Variants in GRM8 observed in about 807,000 individuals in gnomAD.
GRM8 encodes glutamate metabotropic receptor 8.
In GRM8, 47 loss-of-function variants were observed where a neutral mutation model predicts 87.2. The observed-to-expected ratio is 0.54, with a 90% confidence interval of 0.43 to 0.69. The LOEUF (loss-of-function observed/expected upper bound fraction) is 0.69, where lower values mean the gene tolerates loss of function less well. Ranked by LOEUF, GRM8 falls within the 30% of genes least tolerant of loss-of-function variation. The pLI is 0.00. For missense variants in GRM8, 1,019 were observed against 1,139.2 expected, an observed-to-expected ratio of 0.89 and a Z score of 1.52; for synonymous variants, 396 against 404.5, an observed-to-expected ratio of 0.98 and a Z score of 0.25.
chr7:126,840,813 C>T (rs1025681730), intron 6 of GRM8, among the ~76,000 whole-genome samples: 5 of 152,102 alleles, frequency 3.3e-5, no homozygotes, highest in Non-Finnish European at 5.9e-5. Context: ...AGAAATTATA[C>T]ACCAATTTCA....
intron 2 of GRM8, among the ~76,000 whole-genome samples, chr7:127,126,522 A>C (rs1183107174): frequency 1.3e-5 from 2 of 151,966 alleles, no homozygotes; most frequent in Non-Finnish European, 2.9e-5. Flanking sequence ...TAATGGGTAC[A>C]ATGAACATTA....
intron 3 of GRM8, among the ~76,000 whole-genome samples, chr7:127,091,709 G>A (rs1420198337): frequency 1.4e-5 from 1 of 70,624 alleles, no homozygotes; most frequent in African/African-American, 6.0e-5. Flanking sequence ...TGACCCCCCT[G>A]CCATCCCACT....
intron 3 of GRM8, among the ~76,000 whole-genome samples, chr7:127,028,093 G>T (rs1233444307): frequency 6.6e-6 from 1 of 152,134 alleles, no homozygotes; most frequent in Non-Finnish European, 1.5e-5. Flanking sequence ...TAATCATGTG[G>T]TTTTTGTCAT....
rs1035031322 is a variant in GRM8, at chr7:126,638,049, A to AAAAT, written c.1358-28555_1358-28552dup. On this transcript the variant is annotated intron_variant, in intron 7 of 10. Coordinates refer to ENST00000339582, the MANE Select transcript of GRM8 (RefSeq NM_000845.3). The stretch of plus-strand genomic sequence containing the variant: ...TTTTCCATGATGAAGGTATATTTCG[A>AAAAT]AAATAAATAAATAAATAAAAGCATT... Among the ~76,000 whole-genome samples the AAAAT allele has an allele frequency of 9.2e-5, 14 of 152,290 alleles. 1 individual carries two copies. The highest frequency in any genetic ancestry group is 3.3e-4 in the Admixed American group (5 of 15,282).
At position 126,620,109 on chromosome 7, in the gene GRM8, G is replaced by C. The variant is rs984039650; in HGVS notation, c.1358-10611C>G. ...GTTCAAGACCAGCCTGGGCAACACAGTGAGACCCCCATCTCTACCAAAAGA... is the reference window on the plus strand; with the variant it reads ...GTTCAAGACCAGCCTGGGCAACACACTGAGACCCCCATCTCTACCAAAAGA... On this transcript the variant is annotated intron_variant, in intron 7 of 10. Transcript: ENST00000339582. Among the ~76,000 whole-genome samples, 8 of 152,294 alleles carry C rather than the reference G, an allele frequency of 5.3e-5. No homozygotes were observed. In the South Asian group the frequency reaches 1.7e-3, roughly 32 times the overall value.
chr7:126,903,476 A>C (rs1802303508), intron 5 of GRM8, among the ~76,000 whole-genome samples: 1 of 151,330 alleles, frequency 6.6e-6, no homozygotes, highest in African/African-American at 2.4e-5. Flanking sequence ...CGCAAACTCA[A>C]ACTCAAAGTG....
intron 6 of GRM8, among the ~76,000 whole-genome samples, chr7:126,839,639 T>C (rs1796100560): frequency 1.3e-5 from 2 of 152,152 alleles, no homozygotes; most frequent in South Asian, 2.1e-4. Context: ...AGATACCTGG[T>C]AAGGGAATAG....
chr7:127,101,352 GATATA>G (rs943423818), intron 3 of GRM8, among the ~76,000 whole-genome samples: 11 of 152,078 alleles, frequency 7.2e-5, no homozygotes, highest in South Asian at 2.1e-4. Context: ...GTTTCCTCCT[GATATA>G]ATATGAGTAT....
intron 8 of GRM8, among the ~76,000 whole-genome samples, chr7:126,586,663 C>G (rs958546152): frequency 6.6e-6 from 1 of 152,130 alleles, no homozygotes. Context: ...TTCCTTATAC[C>G]TTATACAAAA....
intron 2 of GRM8, among the ~76,000 whole-genome samples, chr7:127,137,785 A>G (rs1828025436): frequency 1.3e-5 from 2 of 152,268 alleles, no homozygotes; most frequent in Admixed American, 1.3e-4. Flanking sequence ...TCAAAATGCA[A>G]TAATATTTCT....
rs906546963 is a variant in GRM8 at position 127,059,415 on chromosome 7, C to A, written c.727+47081G>T. Among the ~76,000 whole-genome samples the A allele has an allele frequency of 3.3e-5, 5 of 150,080 alleles. No individual in the cohort carries two copies. The Admixed American group carries it at 3.3e-4, about 10-fold the overall frequency. On this transcript the variant is annotated intron_variant, in intron 3 of 10. Coordinates refer to ENST00000339582, the MANE Select transcript of GRM8 (RefSeq NM_000845.3). ...GCAGTGGCGCAATCTCAGCTCACTG[C>A]AACCTCCACCTCCTGGGTTCAAGCG... is the stretch of plus-strand genomic sequence containing the variant.
At chr7:127,015,034 G>A (rs1432077684) in intron 3 of GRM8, among the ~76,000 whole-genome samples, 1 of 120,348 alleles carries the variant, frequency 8.3e-6, no homozygotes, top group African/African-American at 3.0e-5. Flanking sequence ...AGAAGAAGAA[G>A]AAGAAGAAGA....
intron 3 of GRM8, among the ~76,000 whole-genome samples, chr7:126,930,521 G>C (rs1805654397): frequency 6.6e-6 from 1 of 152,174 alleles, no homozygotes; most frequent in Admixed American, 6.5e-5. Flanking sequence ...TGAGGTCTCA[G>C]ACAAGGTTCT....
chr7:126,872,056 T>G (rs762299512), intron 6 of GRM8, among the ~76,000 whole-genome samples: 5 of 152,152 alleles, frequency 3.3e-5, no homozygotes, highest in Non-Finnish European at 7.4e-5. Flanking sequence ...CAGAGTAAAC[T>G]TGTGTATGTC....
chr7:127,110,408 A>G (rs1826238333), intron 2 of GRM8, among the ~76,000 whole-genome samples: 1 of 151,546 alleles, frequency 6.6e-6, no homozygotes, highest in Non-Finnish European at 1.5e-5. Context: ...TGACTTTCTC[A>G]TTTCCTTTCT....
At chr7:126,973,648 C>A (rs1810657166) in intron 3 of GRM8, among the ~76,000 whole-genome samples, 1 of 152,146 alleles carries the variant, frequency 6.6e-6, no homozygotes, top group Non-Finnish European at 1.5e-5. Flanking sequence ...AAAATTCACA[C>A]AGTGAGACAC....
intron 3 of GRM8, among the ~76,000 whole-genome samples, chr7:126,994,699 G>T (rs1407502823): frequency 6.6e-6 from 1 of 152,114 alleles, no homozygotes; most frequent in Non-Finnish European, 1.5e-5. Flanking sequence ...TTGTCTTATG[G>T]TCTGAGTACC....
chr7:126,749,750 C>A (rs138871461), intron 7 of GRM8, among the ~76,000 whole-genome samples: 10 of 151,906 alleles, frequency 6.6e-5, no homozygotes, highest in African/African-American at 1.4e-4. Context: ...TAACTAGTGA[C>A]CAGAGAAAGG....
chr7:127,125,846 A>G (rs1827338687), intron 2 of GRM8, among the ~76,000 whole-genome samples: 1 of 151,762 alleles, frequency 6.6e-6, no homozygotes, highest in South Asian at 2.1e-4. Flanking sequence ...AAAAGAAGAT[A>G]TACAAAGGGC....
Sources: gnomAD v4.1 joint callset for allele counts (sites outside exome capture counted in the v4.1 genomes callset) on GRCh38, gnomAD v4.1.1 for gene constraint, MANE v1.5 for transcripts, NCBI Gene and HGNC (gene_info 2026-07-23, HGNC 2026-07-21) for gene names.